Variants in SCEL observed in about 807,000 individuals in gnomAD.
The protein encoded by SCEL is sciellin.
In SCEL, 113 loss-of-function variants were observed where a neutral mutation model predicts 117.6. That is an observed-to-expected ratio of 0.96 (90% CI 0.83 to 1.12). SCEL has a LOEUF of 1.12. Ranked by LOEUF, SCEL falls within the 50% of genes most tolerant of loss-of-function variation. The pLI is 0.00. For synonymous variants in SCEL, 270 were observed against 256.2 expected (o/e 1.05, Z -0.51); for missense variants, 785 against 810.8 (o/e 0.97, Z 0.39).
chr13:77,586,167 A>G (rs2086553661), intron 9 of SCEL, among the ~76,000 whole-genome samples: 1 of 151,920 alleles, frequency 6.6e-6, no homozygotes, highest in African/African-American at 2.4e-5. Flanking sequence ...CTCTTGTCAT[A>G]ATGCTTGGTG....
intron 15 of SCEL, among the ~76,000 whole-genome samples, chr13:77,600,534 G>A (rs2154401400): frequency 6.6e-6 from 1 of 152,238 alleles, no homozygotes; most frequent in South Asian, 2.1e-4. Context: ...ACCTTTAAAT[G>A]AAAAGCTATG....
In SCEL at chr13:77,592,649, C is replaced by T. The variant is rs559928777; in HGVS notation, c.693-865C>T. Among the ~76,000 whole-genome samples the T allele has an allele frequency of 2.0e-5, 3 of 150,610 alleles. No homozygotes were observed. In the East Asian group the frequency reaches 5.9e-4, roughly 30 times the overall value. On this transcript the variant is annotated intron_variant, in intron 11 of 32. Coordinates refer to ENST00000349847, the MANE Select transcript of SCEL (RefSeq NM_144777.3). ...TTATAGCTCACTGCAGCCTCAAACTCCTGGGCTCAGGAGATCCTCCTGCCT... is the reference window on the plus strand; with the variant it reads ...TTATAGCTCACTGCAGCCTCAAACTTCTGGGCTCAGGAGATCCTCCTGCCT...
rs761543898 is a variant in SCEL, at chr13:77,637,225, A to G, written c.1838+31A>G. ...TATGTCTTTATTTCCATACATAAAA[A>G]GTACACACATACAGACACACACACA... On this transcript the variant is annotated intron_variant, in intron 30 of 32. Coordinates refer to ENST00000349847, the MANE Select transcript of SCEL (RefSeq NM_144777.3). 5 of 1,151,506 alleles carry G rather than the reference A, an allele frequency of 4.3e-6. No individual in the cohort carries two copies. In the Admixed American group the frequency reaches 9.3e-5, roughly 21 times the overall value. The allele number at this position is 1,151,506 out of a possible 1,614,324, so 71.3% of individuals were successfully genotyped here. A position where few individuals can be genotyped will look rare whatever the true frequency, so the allele number is the denominator to read the frequency against.
intron 13 of SCEL, among the ~76,000 whole-genome samples, chr13:77,599,025 G>A (rs1377677903): frequency 6.6e-6 from 1 of 152,110 alleles, no homozygotes; most frequent in Non-Finnish European, 1.5e-5. Flanking sequence ...ATTGTAACAT[G>A]GGCTCACTTT....
At chr13:77,634,925 A>G (rs1356455878) in intron 29 of SCEL, among the ~76,000 whole-genome samples, 1 of 152,182 alleles carries the variant, frequency 6.6e-6, no homozygotes, top group Non-Finnish European at 1.5e-5. Flanking sequence ...GCTTGGAGTG[A>G]TGGATATTGA....
At chr13:77,608,359 G>A (rs191868630) in intron 20 of SCEL, among the ~76,000 whole-genome samples, 3 of 152,310 alleles carry the variant, frequency 2.0e-5, no homozygotes, top group Admixed American at 6.5e-5. Flanking sequence ...CAGCACTTTG[G>A]GAGGCCAAGG....
At chr13:77,555,744 A>T in intron 1 of SCEL, 113 bp from the exon 2 acceptor site, 1 of 716,362 alleles carries the variant, frequency 1.4e-6, no homozygotes, top group Non-Finnish European at 2.5e-6. Flanking sequence ...TTGTTATGAC[A>T]GATCCTGTGA....
intron 18 of SCEL, among the ~76,000 whole-genome samples, chr13:77,603,874 T>C (rs1421519670): frequency 2.0e-5 from 3 of 152,230 alleles, no homozygotes; most frequent in Non-Finnish European, 2.9e-5. Flanking sequence ...CATACGTTCT[T>C]ATTCTTTTAG....
At chr13:77,597,494 A>T in intron 12 of SCEL, 51 bp from the exon 13 acceptor site, 2 of 1,085,078 alleles carry the variant, frequency 1.8e-6, no homozygotes, top group Non-Finnish European at 2.7e-6. Context: ...TTACCCTTTG[A>T]CCCTGGGCAA....
At chr13:77,599,499 C>A in intron 14 of SCEL, 111 bp downstream of exon 14, 1 of 952,748 alleles carries the variant, frequency 1.0e-6, no homozygotes, top group Non-Finnish European at 1.7e-6. Flanking sequence ...AATGTACTGG[C>A]AGATGGGGTA....
At chr13:77,551,920 C>A (rs1468898148) in intron 1 of SCEL, among the ~76,000 whole-genome samples, 1 of 145,598 alleles carries the variant, frequency 6.9e-6, no homozygotes. Flanking sequence ...GTTCAATTCC[C>A]ATCTATGAGT....
At chr13:77,546,437 G>T (rs1250465651) in intron 1 of SCEL, among the ~76,000 whole-genome samples, 4 of 152,118 alleles carry the variant, frequency 2.6e-5, no homozygotes, top group African/African-American at 9.7e-5. Context: ...CATAATTATA[G>T]ATAATAGTAC....
chr13:77,618,086 T>A, intron 27 of SCEL, 26 bp downstream of exon 27: 2 of 1,581,056 alleles, frequency 1.3e-6, no homozygotes, highest in Non-Finnish European at 1.7e-6. Context: ...TATCTTGACA[T>A]GTTTACAAGT....
rs1022577037 is a variant in SCEL at position 77,644,427 on chromosome 13, TG to T, written c.*154del. The T allele has an allele frequency of 1.1e-4, 80 of 730,890 alleles. No homozygotes were observed. The African/African-American group carries it at 1.1e-3, about 10-fold the overall frequency. The allele number at this position is 730,890 out of a possible 1,614,324, so 45.3% of individuals were successfully genotyped here. A position where few individuals can be genotyped will look rare whatever the true frequency, so the allele number is the denominator to read the frequency against. Reference sequence around the variant, plus strand: ...TCTGTTATTGCATAAGTAATCTAATTGTCTTCAATAAGGTCACACACATAAA... The same window carrying T: ...TCTGTTATTGCATAAGTAATCTAATTTCTTCAATAAGGTCACACACATAAA... On this transcript the variant is annotated 3_prime_UTR_variant, in exon 33 of 33. Transcript: ENST00000349847.
At chr13:77,557,972 G>C (rs773505603) in intron 3 of SCEL, among the ~76,000 whole-genome samples, 4 of 152,244 alleles carry the variant, frequency 2.6e-5, no homozygotes, top group Admixed American at 6.5e-5. Context: ...GAAATATATG[G>C]GTGTTTAGAG....
chr13:77,642,688 AT>A lies in SCEL; in HGVS notation c.1948-17del. The A allele has an allele frequency of 2.2e-6, 3 of 1,380,000 alleles. No homozygotes were observed. The highest frequency in any genetic ancestry group is 3.1e-6 in the Non-Finnish European group (3 of 980,806). 85.5% of individuals were successfully genotyped at this position (1,380,000 alleles called of 1,614,324 possible). A position where few individuals can be genotyped will look rare whatever the true frequency, so the allele number is the denominator to read the frequency against. ...TTCATTTACAATGGAAACTTTATAT[AT>A]GTATTTTTTTCTTTAGTGTGAAATA... On this transcript the variant is annotated splice_polypyrimidine_tract_variant and intron_variant, in intron 31 of 32. Coordinates refer to ENST00000349847, the MANE Select transcript of SCEL (RefSeq NM_144777.3).
chr13:77,585,528 G>T (rs146288530), intron 9 of SCEL, among the ~76,000 whole-genome samples: 1 of 151,996 alleles, frequency 6.6e-6, no homozygotes, highest in Non-Finnish European at 1.5e-5. Context: ...GCATGTGCGC[G>T]CTCTTCTGGC....
At chr13:77,570,897 A>C (rs766396705) in intron 8 of SCEL, among the ~76,000 whole-genome samples, 15 of 151,190 alleles carry the variant, frequency 9.9e-5, no homozygotes, top group Non-Finnish European at 2.1e-4. Flanking sequence ...CAGTGGTGCA[A>C]TTTCGGCTCA....
In SCEL at chr13:77,637,177, T is replaced by G. The variant is rs775704401; in HGVS notation, c.1821T>G (p.Val607=). The G allele has an allele frequency of 6.4e-7, 1 of 1,555,766 alleles. No individual in the cohort carries two copies. Among genetic ancestry groups the G allele is most frequent in the Non-Finnish European group, 8.7e-7 (1 of 1,151,888 alleles). Residue 607 remains valine (V), a synonymous_variant, in exon 30 of 33, where the codon GTT becomes GTG. Coordinates refer to ENST00000349847, the MANE Select transcript of SCEL (RefSeq NM_144777.3). ...TCTCTGGAAAATACATACAAACTGT[T>G]TATTCAACTTCTGATAGGTGAGTAT... is the stretch of plus-strand genomic sequence containing the variant. ...ENISGKYIQT[V]YSTSDRSVIE... is the part of the protein sequence containing the mutation.
Sources: allele counts gnomAD v4.1 joint callset (sites outside exome capture counted in the v4.1 genomes callset), GRCh38; gene constraint gnomAD v4.1.1; transcripts MANE v1.5; gene names NCBI Gene and HGNC (gene_info 2026-07-23, HGNC 2026-07-21).